Variants in ITPR1 observed in about 807,000 individuals in gnomAD.
The protein encoded by ITPR1 is inositol 1,4,5-trisphosphate-gated calcium channel ITPR1.
ITPR1 carries 96 observed loss-of-function variants against 318.4 expected under a neutral mutation model. The observed-to-expected ratio is 0.30, with a 90% CI of 0.26 to 0.36. The LOEUF (loss-of-function observed/expected upper bound fraction) is 0.36, where lower values mean the gene tolerates loss of function less well. Ranked by LOEUF, ITPR1 falls within the 10% of genes least tolerant of loss-of-function variation. The probability of loss-of-function intolerance (pLI) is 1.00; values close to 1 mark genes in which losing one functional copy is unlikely to be tolerated. For synonymous variants in ITPR1, 1,312 were observed against 1,289.9 expected (o/e 1.02, Z -0.37); for missense variants, 2,440 against 3,460.2 (o/e 0.71, Z 7.40).
At chr3:4,681,769 G>T (rs1469787762) in intron 26 of ITPR1, among the ~76,000 whole-genome samples, 1 of 151,832 alleles carries the variant, frequency 6.6e-6, no homozygotes, top group African/African-American at 2.4e-5. Flanking sequence ...AGAGAGAGGG[G>T]CTCAAAACAG....
At chr3:4,640,278 G>T (rs1025674318) in intron 6 of ITPR1, among the ~76,000 whole-genome samples, 2 of 152,220 alleles carry the variant, frequency 1.3e-5, no homozygotes, top group African/African-American at 4.8e-5. Context: ...GTATAGAGCA[G>T]GGCTAATCAG....
At chr3:4,754,029 A>T (rs1458181105) in intron 44 of ITPR1, among the ~76,000 whole-genome samples, 1 of 131,820 alleles carries the variant, frequency 7.6e-6, no homozygotes, top group East Asian at 2.7e-4. Context: ...GAGCCGTGTG[A>T]CTGCACAAAC....
At chr3:4,697,895 G>C (rs1455630392) in intron 34 of ITPR1, among the ~76,000 whole-genome samples, 1 of 152,116 alleles carries the variant, frequency 6.6e-6, no homozygotes, top group African/African-American at 2.4e-5. Context: ...AATTTATAAG[G>C]ATTTATTTTC....
intron 2 of ITPR1, among the ~76,000 whole-genome samples, chr3:4,505,384 G>A (rs746743566): frequency 1.3e-5 from 2 of 152,152 alleles, no homozygotes; most frequent in African/African-American, 2.4e-5. Flanking sequence ...GTAAAGACGG[G>A]GTTTCGCCAT....
intron 5 of ITPR1, among the ~76,000 whole-genome samples, chr3:4,630,187 A>C (rs2092969882): frequency 6.6e-6 from 1 of 152,150 alleles, no homozygotes; most frequent in Non-Finnish European, 1.5e-5. Flanking sequence ...GTGAGGAAGT[A>C]AGTGCTTGCA....
intron 55 of ITPR1, 66 bp downstream of exon 55, chr3:4,806,333 C>T: frequency 7.0e-7 from 1 of 1,434,656 alleles, no homozygotes; most frequent in Non-Finnish European, 9.8e-7. Context: ...TGTCCTCTCT[C>T]TCATCACAGA....
At chr3:4,504,851 C>T (rs984183833) in intron 2 of ITPR1, among the ~76,000 whole-genome samples, 4 of 152,118 alleles carry the variant, frequency 2.6e-5, no homozygotes, top group Non-Finnish European at 5.9e-5. Context: ...ATATATGTAC[C>T]TGGGTGAGGG....
At chr3:4,664,357 G>C (rs956934264) in intron 16 of ITPR1, among the ~76,000 whole-genome samples, 6 of 152,220 alleles carry the variant, frequency 3.9e-5, no homozygotes, top group African/African-American at 1.2e-4. Flanking sequence ...TGCATACCAT[G>C]TCCTTCTGTA....
At chr3:4,825,763 C>A (rs1029308374) in intron 60 of ITPR1, 32 of 456,610 alleles carry the variant, frequency 7.0e-5, no homozygotes, top group Non-Finnish European at 1.4e-4. Context: ...CAAGAGAGAG[C>A]CTGTGAAATC....
At chr3:4,635,642 G>T (rs188330753) in intron 5 of ITPR1, among the ~76,000 whole-genome samples, 8 of 152,124 alleles carry the variant, frequency 5.3e-5, no homozygotes, top group Admixed American at 1.3e-4. Context: ...ACTGCGCCCA[G>T]CCAAAAGGTG....
chr3:4,616,099 A>G (rs2686612), intron 4 of ITPR1, among the ~76,000 whole-genome samples: 13,126 of 152,230 alleles, frequency 0.086, 1,836 homozygotes, highest in African/African-American at 0.29. Context: ...CAGACACAAC[A>G]GTGTTTCACT....
At chr3:4,577,143 T>C (rs2088762968) in intron 4 of ITPR1, among the ~76,000 whole-genome samples, 1 of 152,180 alleles carries the variant, frequency 6.6e-6, no homozygotes, top group African/African-American at 2.4e-5. Context: ...CAGACCCCCC[T>C]ACTGAATACA....
chr3:4,662,260 C>T lies in ITPR1; in HGVS notation c.1412+18C>T. 1 of 1,565,198 alleles carries T rather than the reference C, an allele frequency of 6.4e-7. No individual in the cohort carries two copies. The highest frequency in any genetic ancestry group is 2.3e-5 in the East Asian group (1 of 43,914). On this transcript the variant is annotated intron_variant, in intron 15 of 61. Transcript: ENST00000649015. ...GAAAGGAGGTGAGCACTCCCGCATG[C>T]TCAGCACAGCCGCCCTCCCGCACTG...
intron 42 of ITPR1, among the ~76,000 whole-genome samples, chr3:4,731,987 A>G (rs534429073): frequency 1.3e-5 from 2 of 151,810 alleles, no homozygotes; most frequent in South Asian, 4.2e-4. Context: ...CTTCTCCCTC[A>G]CCTCTCTTCA....
chr3:4,493,975 C>T (rs1204863093), intron 1 of ITPR1, among the ~76,000 whole-genome samples: 5 of 149,552 alleles, frequency 3.3e-5, no homozygotes, highest in African/African-American at 1.2e-4. Flanking sequence ...ATGTATCCCT[C>T]TCTTGCGCTC....
chr3:4,502,949 A>G (rs988198301), intron 2 of ITPR1, among the ~76,000 whole-genome samples: 56 of 151,984 alleles, frequency 3.7e-4, no homozygotes, highest in African/African-American at 1.3e-3. Context: ...GCTGGGCATG[A>G]TGGTGGGCAC....
chr3:4,638,501 C>A lies in ITPR1; in HGVS notation c.280-883C>A, dbSNP rs115050575. Reference sequence around the variant, plus strand: ...TCTATTCAGCTTTACCATGTTCCCCCCCTAGCATGTCACATTTGGAATGGT... The same window carrying A: ...TCTATTCAGCTTTACCATGTTCCCCACCTAGCATGTCACATTTGGAATGGT... On this transcript the variant is annotated intron_variant, in intron 5 of 61. Transcript: ENST00000649015. Among the ~76,000 whole-genome samples, 769 of 152,298 alleles carry A rather than the reference C, an allele frequency of 5.0e-3. 9 individuals carry two copies. The highest frequency in any genetic ancestry group is 0.017 in the African/African-American group (710 of 41,562).
chr3:4,718,110 G>A (rs1489934407), intron 40 of ITPR1, among the ~76,000 whole-genome samples: 1 of 152,164 alleles, frequency 6.6e-6, no homozygotes, highest in Non-Finnish European at 1.5e-5. Context: ...TTGGGATCTG[G>A]GGGCCTCTTG....
chr3:4,653,082 C>T (rs185438275), intron 11 of ITPR1, among the ~76,000 whole-genome samples: 2 of 152,304 alleles, frequency 1.3e-5, no homozygotes, highest in Non-Finnish European at 2.9e-5. Context: ...TCAAATGAAG[C>T]AGCCATCCTA....
Sources: allele counts gnomAD v4.1 joint callset (sites outside exome capture counted in the v4.1 genomes callset), GRCh38; gene constraint gnomAD v4.1.1; transcripts MANE v1.5; gene names NCBI Gene and HGNC (gene_info 2026-07-23, HGNC 2026-07-21).